SLC13A2: variants seen among roughly 807,000 people sequenced by gnomAD.
SLC13A2 encodes the protein solute carrier family 13 member 2, also known as Na(+)-coupled citrate transporter.
In SLC13A2, 40 loss-of-function variants were observed where a neutral mutation model predicts 58.5. That is an observed-to-expected ratio of 0.68 (90% CI 0.53 to 0.89). The LOEUF (loss-of-function observed/expected upper bound fraction) is 0.89. Ranked by LOEUF, SLC13A2 falls within the 40% of genes least tolerant of loss-of-function variation. SLC13A2 has a pLI of 0.00. For synonymous variants in SLC13A2, 341 were observed against 331.6 expected, an observed-to-expected ratio of 1.03 and a Z score of -0.31; for missense variants, 694 against 772.6, an observed-to-expected ratio of 0.90 and a Z score of 1.21.
chr17:28,485,925 T>C (rs1177210015), intron 1 of SLC13A2, among the ~76,000 whole-genome samples: 1 of 152,066 alleles, frequency 6.6e-6, no homozygotes. Context: ...TGCCCAGCAC[T>C]GGAGGCTGCA....
chr17:28,490,847 G>A lies in SLC13A2; in HGVS notation c.515G>A (p.Ser172Asn), dbSNP rs1555603228. ...GCCAGCAGCAACGTCGAGGAGGGCAGCAACAACCCCACCTTCGAGCTCCAG... is the reference window on the plus strand; with the variant it reads ...GCCAGCAGCAACGTCGAGGAGGGCAACAACAACCCCACCTTCGAGCTCCAG... ...SQASSNVEEG[S>N]NNPTFELQEP... is the part of the protein sequence containing the mutation. Residue 172 changes from serine to asparagine, a missense_variant, in exon 4 of 12, where the codon AGC becomes AAC. Transcript: ENST00000314669. The A allele has an allele frequency of 1.2e-6, 2 of 1,614,072 alleles. No individual in the cohort carries two copies. The highest frequency in any genetic ancestry group is 1.7e-6 in the Non-Finnish European group (2 of 1,179,974).
intron 2 of SLC13A2, 102 bp from the exon 3 acceptor site, chr17:28,490,352 T>A (rs782292269): frequency 5.6e-6 from 9 of 1,613,340 alleles, no homozygotes; most frequent in African/African-American, 4.0e-5. Context: ...CCCAGGGGAA[T>A]GCCAGTCTGT....
rs1555603408 is a variant in SLC13A2, at chr17:28,491,524, T to C, written c.662T>C (p.Met221Thr). 2 of 1,613,794 alleles carry C rather than the reference T, an allele frequency of 1.2e-6. No individual in the cohort carries two copies. Among genetic ancestry groups the C allele is most frequent in the East Asian group, 2.2e-5 (1 of 44,884 alleles). Residue 221 changes from methionine to threonine, a missense_variant, in exon 5 of 12, where the codon ATG becomes ACG. Transcript: ENST00000314669. ...AAGCATCTCCACCTCACCCAGTGCA[T>C]GAGCCTGTGCGTGTGCTACTCCGCC... ...SQKHLHLTQC[M>T]SLCVCYSASI...
In SLC13A2 at chr17:28,494,397, C is replaced by G. The variant is rs145927334; in HGVS notation, c.1193C>G (p.Pro398Arg). ...FPGLTQDPEN[P>R]GKLKAPLGLL... ...TTCTCTGCTTGGGAAGTAGAAAACC[C>G]AGGGAAGCTGAAGGCCCCTCTTGGC... Residue 398 changes from proline (P) to arginine (R), a missense_variant, in exon 9 of 12, where the codon CCA becomes CGA. By Grantham distance (103) the Pro-to-Arg change is moderately radical (BLOSUM62 -2). Transcript: ENST00000314669. The surrounding 1 kb of genome is among the most constrained non-coding windows in gnomAD (Gnocchi z 4.0). 2.5e-6 allele frequency: 4 copies of G among 1,614,160 alleles called. 1 individual carries two copies. In the South Asian group the frequency reaches 4.4e-5, roughly 18 times the overall value.
intron 6 of SLC13A2, 100 bp downstream of exon 6, chr17:28,491,952 A>G (rs1238072355): frequency 6.7e-6 from 10 of 1,485,440 alleles, no homozygotes; most frequent in Non-Finnish European, 9.0e-6. Context: ...TCACCATCCC[A>G]ATGAGAAGGC....
intron 1 of SLC13A2, among the ~76,000 whole-genome samples, chr17:28,483,310 G>A (rs1277633285): frequency 1.3e-5 from 2 of 152,136 alleles, no homozygotes; most frequent in Non-Finnish European, 2.9e-5. Context: ...ACCCTGCTAT[G>A]GGCTCACAGG....
At position 28,494,363 on chromosome 17, in the gene SLC13A2, G is replaced by T; in HGVS notation, c.1187-28G>T. The T allele has an allele frequency of 1.9e-6, 3 of 1,614,124 alleles. No individual in the cohort carries two copies. The South Asian group carries it at 3.3e-5, about 18-fold the overall frequency. On this transcript the variant is annotated intron_variant, in intron 8 of 11. Transcript: ENST00000314669. The surrounding 1 kb of genome is among the most constrained non-coding windows in gnomAD (Gnocchi z 4.0). ...GGGAAAGGCCTGTTTGTTCTTTGGT[G>T]ACCCATCCTTCTCTGCTTGGGAAGT...
chr17:28,490,750 A>G lies in SLC13A2; in HGVS notation c.418A>G (p.Ser140Gly). The G allele has an allele frequency of 6.2e-7, 1 of 1,614,190 alleles. No individual in the cohort carries two copies. ...LVTAFLSMWI[S>G]NTATSAMMVP... ...CACGGCCTTCCTGTCCATGTGGATC[A>G]GCAACACGGCCACCTCAGCCATGAT... The change falls in exon 4 of 12, where the codon AGC becomes GGC. Residue 140 changes from serine (S) to glycine (G), a missense_variant. Physicochemically the swap from Ser to Gly is moderately conservative, Grantham distance 56. Coordinates refer to ENST00000314669, the MANE Select transcript of SLC13A2 (RefSeq NM_003984.4).
At chr17:28,477,325 CTGGGA>C (rs1179183285) in intron 1 of SLC13A2, among the ~76,000 whole-genome samples, 3 of 151,298 alleles carry the variant, frequency 2.0e-5, no homozygotes, top group African/African-American at 2.4e-5. Context: ...TCCCGAGTAG[CTGGGA>C]CTACAGTCAC....
At chr17:28,489,584 G>A (rs782125465) in intron 2 of SLC13A2, among the ~76,000 whole-genome samples, 1 of 152,212 alleles carries the variant, frequency 6.6e-6, no homozygotes, top group African/African-American at 2.4e-5. Flanking sequence ...GTGGGAGGTG[G>A]AAGGCCTAGT....
intron 1 of SLC13A2, among the ~76,000 whole-genome samples, chr17:28,481,598 G>C (rs1430605664): frequency 6.6e-6 from 1 of 152,110 alleles, no homozygotes; most frequent in African/African-American, 2.4e-5. Flanking sequence ...AAAGAGTTTG[G>C]GGCAAAAATC....
In SLC13A2 at chr17:28,497,353, G is replaced by A; in HGVS notation, c.*84G>A. ...CCGGAGGGGACACCCCAAGCTCCAAGCTCCAAGCTCCAGGCCAAAGGCTGA... is the reference window on the plus strand; with the variant it reads ...CCGGAGGGGACACCCCAAGCTCCAAACTCCAAGCTCCAGGCCAAAGGCTGA... On this transcript the variant is annotated 3_prime_UTR_variant, in exon 12 of 12. Coordinates refer to ENST00000314669, the MANE Select transcript of SLC13A2 (RefSeq NM_003984.4). The A allele has an allele frequency of 6.8e-7, 1 of 1,478,044 alleles. No homozygotes were observed. The highest frequency in any genetic ancestry group is 9.1e-7 in the Non-Finnish European group (1 of 1,099,394). The allele number at this position is 1,478,044 out of a possible 1,614,324, so 91.6% of individuals were successfully genotyped here.
chr17:28,490,570 C>A lies in SLC13A2; in HGVS notation c.348C>A (p.Ile116=). The part of the protein sequence containing the change: ...HKRIALRVLL[I]VGVRPAPLIL... ...GCATCGCCCTCCGTGTCCTCCTCAT[C>A]GTTGGGGTGCGGCCTGCCCCGTGAG... Residue 116 remains isoleucine, a synonymous_variant, in exon 3 of 12, where the codon ATC becomes ATA. Transcript: ENST00000314669. 6.2e-7 allele frequency: 1 copy of A among 1,604,480 alleles called. No individual in the cohort carries two copies.
chr17:28,490,089 C>A (rs782519412), intron 2 of SLC13A2, among the ~76,000 whole-genome samples: 2 of 152,052 alleles, frequency 1.3e-5, no homozygotes, highest in Non-Finnish European at 2.9e-5. Context: ...GCCTGGCCAG[C>A]GAGGTGAAAC....
chr17:28,491,800 A>T lies in SLC13A2; in HGVS notation c.826A>T (p.Ile276Phe). The T allele has an allele frequency of 6.2e-7, 1 of 1,614,148 alleles. No homozygotes were observed. The highest frequency in any genetic ancestry group is 8.5e-7 in the Non-Finnish European group (1 of 1,180,022). The change falls in exon 6 of 12, where the codon ATC becomes TTC. Residue 276 changes from isoleucine (I) to phenylalanine (F), a missense_variant. Coordinates refer to ENST00000314669, the MANE Select transcript of SLC13A2 (RefSeq NM_003984.4). The part of the protein sequence containing the change: ...WFSFAFPTMV[I>F]LLLLAWLWLQ... ...CAGCTTCGCCTTCCCCACCATGGTC[A>T]TCTTGCTGCTGCTGGCCTGGTTGTG...
chr17:28,476,333 A>G (rs1439597144), intron 1 of SLC13A2, among the ~76,000 whole-genome samples: 1 of 151,900 alleles, frequency 6.6e-6, no homozygotes, highest in Non-Finnish European at 1.5e-5. Context: ...CTTTGTGAGG[A>G]CGAGGCGGGA....
chr17:28,489,439 G>A, intron 2 of SLC13A2, 97 bp downstream of exon 2: 3 of 1,416,122 alleles, frequency 2.1e-6, no homozygotes, highest in Non-Finnish European at 2.8e-6. Flanking sequence ...CTCACCATAG[G>A]CAGGGCACAT....
At chr17:28,479,025 C>T (rs1316365774) in intron 1 of SLC13A2, among the ~76,000 whole-genome samples, 3 of 152,044 alleles carry the variant, frequency 2.0e-5, no homozygotes, top group Non-Finnish European at 2.9e-5. Context: ...CAAGACCAGC[C>T]TGGGCAACAT....
At chr17:28,487,552 T>A in intron 1 of SLC13A2, 1 of 985,278 alleles carries the variant, frequency 1.0e-6, no homozygotes, top group South Asian at 4.7e-5. Context: ...ATCAGCAGAG[T>A]GAGCGCAACC....
Sources: allele counts gnomAD v4.1 joint callset (sites outside exome capture counted in the v4.1 genomes callset), GRCh38; gene constraint gnomAD v4.1.1; non-coding constraint Gnocchi (gnomAD v3.1); transcripts MANE v1.5; gene names NCBI Gene and HGNC (gene_info 2026-07-23, HGNC 2026-07-21).